The following CA5A variants were observed in gnomAD, a reference collection of about 807,000 sequenced individuals.
CA5A encodes carbonic anhydrase 5A, mitochondrial.
A neutral mutation model predicts 37.1 loss-of-function variants in CA5A; 28 were observed. The observed-to-expected ratio is 0.75, with a 90% CI of 0.56 to 1.03. The LOEUF (loss-of-function observed/expected upper bound fraction) is 1.03. Ranked by LOEUF, CA5A falls within the 50% of genes least tolerant of loss-of-function variation. The pLI, the probability that CA5A is intolerant of heterozygous loss-of-function variation, is 0.00. For missense variants in CA5A, 444 were observed against 399.9 expected (o/e 1.11, Z -0.94); for synonymous variants, 171 against 158.4 (o/e 1.08, Z -0.60).
intron 5 of CA5A, among the ~76,000 whole-genome samples, chr16:87,898,001 C>G (rs1419023723): frequency 6.6e-6 from 1 of 152,146 alleles, no homozygotes; most frequent in Non-Finnish European, 1.5e-5. Flanking sequence ...ACTCTGGAAG[C>G]CAGGGCAGAA....
At chr16:87,888,486 G>A (rs1378019852) in intron 6 of CA5A, among the ~76,000 whole-genome samples, 1 of 152,134 alleles carries the variant, frequency 6.6e-6, no homozygotes, top group African/African-American at 2.4e-5. Context: ...GCTCTGGGGG[G>A]AAGCTGGTCG....
chr16:87,930,546 G>A (rs975550290), intron 1 of CA5A, among the ~76,000 whole-genome samples: 2 of 152,082 alleles, frequency 1.3e-5, no homozygotes, highest in African/African-American at 4.8e-5. Context: ...TAAAGTGGAC[G>A]TGTTGTGAGG....
At chr16:87,923,459 A>T (rs1400707219) in intron 2 of CA5A, 1 of 796,460 alleles carries the variant, frequency 1.3e-6, no homozygotes, top group East Asian at 1.3e-4. Flanking sequence ...AAGTGCTGGG[A>T]TTATAAGCAT....
At chr16:87,916,004 G>C (rs112345255) in intron 2 of CA5A, among the ~76,000 whole-genome samples, 85 of 151,984 alleles carry the variant, frequency 5.6e-4, no homozygotes, top group Middle Eastern at 6.8e-3. Context: ...GCGAAAGGCA[G>C]GTCTTGCATG....
chr16:87,912,815 G>A (rs888161294), intron 2 of CA5A, among the ~76,000 whole-genome samples: 6 of 152,240 alleles, frequency 3.9e-5, no homozygotes, highest in South Asian at 2.1e-4. Flanking sequence ...CAGGCAGAAA[G>A]GGACGACCAG....
chr16:87,905,912 C>T (rs759761983), intron 2 of CA5A, among the ~76,000 whole-genome samples: 2 of 152,252 alleles, frequency 1.3e-5, no homozygotes, highest in African/African-American at 2.4e-5. Context: ...CAGCCATAAG[C>T]ATCGCTCGCT....
chr16:87,920,593 A>C (rs996406240), intron 2 of CA5A, among the ~76,000 whole-genome samples: 8 of 151,840 alleles, frequency 5.3e-5, no homozygotes, highest in Non-Finnish European at 1.2e-4. Context: ...TACAGGCGTG[A>C]GCTACTGCGC....
At chr16:87,895,338 G>T (rs369108653) in intron 5 of CA5A, among the ~76,000 whole-genome samples, 144 of 152,326 alleles carry the variant, frequency 9.5e-4, no homozygotes, top group African/African-American at 3.2e-3. Context: ...CTGAGGTCAG[G>T]AGTTCGAGAC....
rs369326647 is a variant in CA5A, at chr16:87,902,406, C to T, written c.555+19G>A. On this transcript the variant is annotated intron_variant, in intron 4 of 6. Transcript: ENST00000649794. ...ATCACCACTTTCTTCATTAGATCTA[C>T]ACCCGAGCAAGTGATTACCTTTAAA... 3 of 1,458,070 alleles carry T rather than the reference C, an allele frequency of 2.1e-6. No homozygotes were observed. The highest frequency in any genetic ancestry group is 1.7e-5 in the Admixed American group (1 of 59,706). The allele number at this position is 1,458,070 out of a possible 1,614,324, so 90.3% of individuals were successfully genotyped here. A position where few individuals can be genotyped will look rare whatever the true frequency, so the allele number is the denominator to read the frequency against.
At chr16:87,916,167 CAA>C (rs371241361) in intron 2 of CA5A, among the ~76,000 whole-genome samples, 1 of 109,304 alleles carries the variant, frequency 9.1e-6, no homozygotes. Flanking sequence ...GACTCCGTCT[CAA>C]AAAAAAAAAA....
rs548759629 is a variant in CA5A, at chr16:87,917,037, G to A, written c.340+9711C>T. Among the ~76,000 whole-genome samples, 23 of 151,340 alleles carry A rather than the reference G, an allele frequency of 1.5e-4. No individual in the cohort carries two copies. In the South Asian group the frequency reaches 2.9e-3, roughly 19 times the overall value. On this transcript the variant is annotated intron_variant, in intron 2 of 6. Coordinates refer to ENST00000649794, the MANE Select transcript of CA5A (RefSeq NM_001739.2). The stretch of plus-strand genomic sequence containing the variant: ...GGAGAATGGTGTGAACCCGGGAGGC[G>A]GAGGTTGCAGTGAGCCAAGACAGCT...
rs186164261 is a variant in CA5A, at chr16:87,928,668, T to C, written c.143-1723A>G. The stretch of plus-strand genomic sequence containing the variant: ...AAATCCATTATTTGGTGATGATATT[T>C]AGGTTATTTCCAACTTCTTGCAATT... On this transcript the variant is annotated intron_variant, in intron 1 of 6. Transcript: ENST00000649794. Among the ~76,000 whole-genome samples, 781 of 152,184 alleles carry C rather than the reference T, an allele frequency of 5.1e-3. 4 individuals are homozygous for C. Among genetic ancestry groups the C allele is most frequent in the African/African-American group, 0.017 (702 of 41,530 alleles).
intron 5 of CA5A, among the ~76,000 whole-genome samples, chr16:87,896,683 C>T (rs1319104158): frequency 6.6e-5 from 10 of 152,232 alleles, no homozygotes; most frequent in African/African-American, 2.4e-4. Flanking sequence ...TCTTGTTGCT[C>T]AGGCTGGAGT....
At chr16:87,885,193 C>CAA (rs766276723), downstream of CA5A, 992 of 165,972 alleles carry the variant, frequency 6.0e-3, 3 homozygotes, top group Middle Eastern at 0.015. Flanking sequence ...CAAAACAAAA[C>CAA]AACAACAACA....
intron 1 of CA5A, among the ~76,000 whole-genome samples, chr16:87,927,181 C>T (rs537338832): frequency 2.0e-5 from 3 of 152,384 alleles, no homozygotes; most frequent in African/African-American, 7.2e-5. Context: ...GGAAGCAACT[C>T]CCTCTGGGCC....
chr16:87,909,200 A>C (rs2143987015), intron 2 of CA5A, among the ~76,000 whole-genome samples: 1 of 152,196 alleles, frequency 6.6e-6, no homozygotes, highest in Non-Finnish European at 1.5e-5. Context: ...CACTGGAGTA[A>C]GAGACAAGTC....
At chr16:87,909,954 C>T (rs1474073827) in intron 2 of CA5A, among the ~76,000 whole-genome samples, 1 of 152,182 alleles carries the variant, frequency 6.6e-6, no homozygotes, top group Non-Finnish European at 1.5e-5. Flanking sequence ...TGCACCCCTT[C>T]TAGCCTCAGT....
At chr16:87,921,542 A>G (rs1216708078) in intron 2 of CA5A, among the ~76,000 whole-genome samples, 1 of 152,202 alleles carries the variant, frequency 6.6e-6, no homozygotes, top group East Asian at 1.9e-4. Flanking sequence ...TCACGTGCCC[A>G]TGCCTGTACC....
intron 2 of CA5A, among the ~76,000 whole-genome samples, chr16:87,912,565 C>T (rs1256751223): frequency 2.0e-5 from 3 of 152,230 alleles, no homozygotes; most frequent in Non-Finnish European, 4.4e-5. Context: ...TGCCGGGCAC[C>T]ACGCTCAGTA....
Sources: allele counts gnomAD v4.1 joint callset (sites outside exome capture counted in the v4.1 genomes callset), GRCh38; gene constraint gnomAD v4.1.1; transcripts MANE v1.5; gene names NCBI Gene and HGNC (gene_info 2026-07-23, HGNC 2026-07-21).